The following EYS variants were observed in gnomAD, a reference collection of about 807,000 sequenced individuals.
EYS encodes protein eyes shut homolog.
Under a neutral mutation model 282.1 loss-of-function variants are expected in EYS, and 250 were observed. The ratio of observed to expected loss-of-function variants is 0.89; its 90% CI spans 0.80 to 0.98. The LOEUF is 0.98. Ranked by LOEUF, EYS falls within the 50% of genes least tolerant of loss-of-function variation. EYS has a pLI of 0.00. For missense variants in EYS, 4,016 were observed against 3,709.0 expected (o/e 1.08, Z -2.15); for synonymous variants, 1,355 against 1,282.9 (o/e 1.06, Z -1.20).
At chr6:64,723,796 CT>C (rs1417651245) in intron 22 of EYS, among the ~76,000 whole-genome samples, 1 of 152,168 alleles carries the variant, frequency 6.6e-6, no homozygotes, top group Non-Finnish European at 1.5e-5. Context: ...GTTTGTGGAT[CT>C]TCCATGGGTT....
intron 22 of EYS, among the ~76,000 whole-genome samples, chr6:64,696,421 G>T (rs1770581358): frequency 6.6e-6 from 1 of 152,132 alleles, no homozygotes. Flanking sequence ...GAGAAGAAAT[G>T]AAACATCTGG....
chr6:63,916,915 C>G (rs369420762), intron 35 of EYS, among the ~76,000 whole-genome samples: 5 of 152,104 alleles, frequency 3.3e-5, no homozygotes, highest in Non-Finnish European at 7.4e-5. Flanking sequence ...GTGTATTTAC[C>G]CCACAGGAAC....
intron 31 of EYS, among the ~76,000 whole-genome samples, chr6:64,221,299 C>T (rs1028001135): frequency 3.3e-5 from 5 of 152,044 alleles, no homozygotes; most frequent in Admixed American, 6.6e-5. Flanking sequence ...GATTAGGTCA[C>T]GAGGACAAAG....
At chr6:64,417,981 G>C (rs1441140062) in intron 28 of EYS, among the ~76,000 whole-genome samples, 3 of 152,098 alleles carry the variant, frequency 2.0e-5, no homozygotes, top group Non-Finnish European at 4.4e-5. Flanking sequence ...CTACGGTCTT[G>C]CTATTAATAT....
At chr6:63,877,948 C>T (rs1032317003) in intron 35 of EYS, among the ~76,000 whole-genome samples, 2 of 151,984 alleles carry the variant, frequency 1.3e-5, no homozygotes, top group Admixed American at 6.6e-5. Context: ...TTGTTATTAC[C>T]GATCATCTGA....
At chr6:65,060,526 C>G (rs1258002538) in intron 12 of EYS, among the ~76,000 whole-genome samples, 2 of 151,790 alleles carry the variant, frequency 1.3e-5, no homozygotes, top group Non-Finnish European at 2.9e-5. Flanking sequence ...CCTTCTTGGT[C>G]TTCTCTCTCT....
chr6:63,755,587 T>C (rs1239403700), intron 41 of EYS, among the ~76,000 whole-genome samples: 1 of 152,196 alleles, frequency 6.6e-6, no homozygotes, highest in Non-Finnish European at 1.5e-5. Context: ...TTGTTCTTTT[T>C]GCTTAGGATT....
At chr6:65,643,202 T>A (rs1397953103) in intron 1 of EYS, among the ~76,000 whole-genome samples, 1 of 151,980 alleles carries the variant, frequency 6.6e-6, no homozygotes, top group African/African-American at 2.4e-5. Flanking sequence ...ACAGTGGGAG[T>A]AAGACTGGCC....
intron 12 of EYS, among the ~76,000 whole-genome samples, chr6:65,244,095 A>G (rs945690580): frequency 1.3e-5 from 2 of 152,210 alleles, no homozygotes; most frequent in Non-Finnish European, 2.9e-5. Context: ...GAGTTGAAAT[A>G]TAAGAGGGCT....
At chr6:65,552,343 C>A (rs1337676189) in intron 2 of EYS, among the ~76,000 whole-genome samples, 1 of 152,154 alleles carries the variant, frequency 6.6e-6, no homozygotes, top group Non-Finnish European at 1.5e-5. Flanking sequence ...AAGTAAGAAT[C>A]CACTAACTAA....
intron 22 of EYS, among the ~76,000 whole-genome samples, chr6:64,668,525 C>G (rs1347382891): frequency 1.3e-5 from 2 of 150,322 alleles, no homozygotes; most frequent in Non-Finnish European, 3.0e-5. Flanking sequence ...ACCCAGCCTT[C>G]CAGCTAGTAC....
intron 2 of EYS, among the ~76,000 whole-genome samples, chr6:65,577,712 C>A (rs1354301427): frequency 4.2e-5 from 6 of 141,488 alleles, no homozygotes; most frequent in Admixed American, 7.2e-5. Context: ...ATATAAAGAA[C>A]TTAACTCAAT....
At chr6:65,572,744 T>G (rs1320541968) in intron 2 of EYS, among the ~76,000 whole-genome samples, 3 of 152,166 alleles carry the variant, frequency 2.0e-5, no homozygotes, top group Admixed American at 6.6e-5. Flanking sequence ...AATGCATTTC[T>G]CAGAATGTGT....
chr6:64,961,631 C>T (rs1184011033), intron 14 of EYS, among the ~76,000 whole-genome samples: 1 of 152,048 alleles, frequency 6.6e-6, no homozygotes, highest in Non-Finnish European at 1.5e-5. Context: ...CATGCTTCAT[C>T]AGTACAATGG....
In EYS at chr6:64,092,230, A is replaced by T. The variant is rs534479198; in HGVS notation, c.6425-10228T>A. ...TAAACATACGTGTGCATGTGTCTTT[A>T]TAGCAGCATGATTTATAATCCTTTG... On this transcript the variant is annotated intron_variant, in intron 31 of 42. Coordinates refer to ENST00000503581, the MANE Select transcript of EYS (RefSeq NM_001142800.2). Among the ~76,000 whole-genome samples, 10 of 152,318 alleles carry T rather than the reference A, an allele frequency of 6.6e-5. 1 individual carries two copies. The South Asian group carries it at 1.9e-3, about 28-fold the overall frequency.
intron 35 of EYS, among the ~76,000 whole-genome samples, chr6:63,870,827 T>C (rs1215306380): frequency 6.6e-6 from 1 of 152,180 alleles, no homozygotes; most frequent in Non-Finnish European, 1.5e-5. Flanking sequence ...TATATTTAGA[T>C]TATAATCTGA....
chr6:64,996,215 G>A (rs1771257647), intron 14 of EYS, among the ~76,000 whole-genome samples: 1 of 152,062 alleles, frequency 6.6e-6, no homozygotes, highest in African/African-American at 2.4e-5. Flanking sequence ...GTTGACCACA[G>A]GCCAGATTTC....
intron 26 of EYS, among the ~76,000 whole-genome samples, chr6:64,544,192 T>A (rs1437988081): frequency 1.3e-5 from 2 of 152,190 alleles, no homozygotes; most frequent in African/African-American, 4.8e-5. Context: ...CTACTCGATT[T>A]GAGAATTTTT....
intron 32 of EYS, among the ~76,000 whole-genome samples, chr6:64,072,437 A>G (rs1356922868): frequency 1.3e-5 from 2 of 149,402 alleles, no homozygotes; most frequent in African/African-American, 4.9e-5. Flanking sequence ...ATGGCTTCCT[A>G]TTCAGCTGAT....
Sources: allele counts gnomAD v4.1 joint callset (sites outside exome capture counted in the v4.1 genomes callset), GRCh38; gene constraint gnomAD v4.1.1; transcripts MANE v1.5; gene names NCBI Gene and HGNC (gene_info 2026-07-23, HGNC 2026-07-21).